Variants in STXBP6 observed in about 807,000 individuals in gnomAD.
STXBP6 encodes the protein syntaxin binding protein 6, also known as syntaxin-binding protein 6.
A neutral mutation model predicts 26.9 loss-of-function variants in STXBP6; 21 were observed. That is an observed-to-expected ratio of 0.78 (90% CI 0.55 to 1.12). The LOEUF (loss-of-function observed/expected upper bound fraction) is 1.12, where lower values mean the gene tolerates loss of function less well. STXBP6 is among the 50% of genes most tolerant of loss of function. STXBP6 has a pLI of 0.00. For missense variants in STXBP6, 232 were observed against 257.9 expected (o/e 0.90, Z 0.69); for synonymous variants, 97 against 92.6 (o/e 1.05, Z -0.27).
At chr14:24,942,346 A>C (rs2072833331) in intron 2 of STXBP6, among the ~76,000 whole-genome samples, 1 of 152,228 alleles carries the variant, frequency 6.6e-6, no homozygotes. Context: ...ATAACCAAAC[A>C]TACATTGTCA....
chr14:24,913,584 AC>A (rs777767175), intron 2 of STXBP6, among the ~76,000 whole-genome samples: 3 of 152,312 alleles, frequency 2.0e-5, no homozygotes, highest in Non-Finnish European at 4.4e-5. Flanking sequence ...CTCTTTTAGA[AC>A]CCCAGCTCAG....
At chr14:24,842,772 T>A (rs1163212017) in intron 4 of STXBP6, among the ~76,000 whole-genome samples, 1 of 152,196 alleles carries the variant, frequency 6.6e-6, no homozygotes, top group Admixed American at 6.5e-5. Flanking sequence ...AAATTTTAAT[T>A]TACTTTTTTT....
intron 1 of STXBP6, among the ~76,000 whole-genome samples, chr14:25,016,901 G>C (rs1408658831): frequency 1.3e-5 from 2 of 152,182 alleles, no homozygotes; most frequent in Non-Finnish European, 2.9e-5. Context: ...TATAAGGCTT[G>C]CATTGAAGAA....
chr14:24,983,808 TA>T (rs2074259216), intron 1 of STXBP6, among the ~76,000 whole-genome samples: 2 of 152,198 alleles, frequency 1.3e-5, no homozygotes, highest in Admixed American at 6.5e-5. Context: ...ACTTAAAATA[TA>T]ACAGTGAAAA....
At chr14:24,987,926 G>A (rs1156759408) in intron 1 of STXBP6, 1 of 978,908 alleles carries the variant, frequency 1.0e-6, no homozygotes, top group Non-Finnish European at 1.2e-6. Flanking sequence ...TGAGGATACT[G>A]AGGAGAAGAA....
chr14:24,913,344 A>G (rs2071643959), intron 2 of STXBP6, among the ~76,000 whole-genome samples: 1 of 152,212 alleles, frequency 6.6e-6, no homozygotes, highest in Non-Finnish European at 1.5e-5. Context: ...AGGATACTGA[A>G]TGTTCCTAAC....
intron 2 of STXBP6, among the ~76,000 whole-genome samples, chr14:24,893,199 G>C (rs1349057228): frequency 6.6e-6 from 1 of 152,200 alleles, no homozygotes; most frequent in Admixed American, 6.5e-5. Context: ...CTAGCCTTTC[G>C]TATGAACAAT....
chr14:24,866,450 T>C (rs2069726240), intron 2 of STXBP6, among the ~76,000 whole-genome samples: 1 of 152,176 alleles, frequency 6.6e-6, no homozygotes, highest in African/African-American at 2.4e-5. Context: ...TGTGTATATG[T>C]GTGTGTATGT....
intron 2 of STXBP6, among the ~76,000 whole-genome samples, chr14:24,951,390 C>CCAGCACATGTTGTT (rs1566504096): frequency 2.0e-5 from 3 of 151,698 alleles, no homozygotes; most frequent in African/African-American, 7.3e-5. Flanking sequence ...TCCACATCCT[C>CCAGCACATGTTGTT]TCCGGACTTT....
intron 1 of STXBP6, among the ~76,000 whole-genome samples, chr14:25,002,410 A>C (rs1358709353): frequency 7.6e-6 from 1 of 131,208 alleles, no homozygotes; most frequent in Non-Finnish European, 1.5e-5. Context: ...CCCAGGCTGG[A>C]GTGCAGTGGT....
intron 2 of STXBP6, among the ~76,000 whole-genome samples, chr14:24,965,847 A>G (rs1328557039): frequency 6.6e-6 from 1 of 152,160 alleles, no homozygotes; most frequent in African/African-American, 2.4e-5. Flanking sequence ...AAGGTGCACT[A>G]ATTTCTCAAA....
intron 4 of STXBP6, among the ~76,000 whole-genome samples, chr14:24,821,106 G>T (rs1462545941): frequency 1.3e-5 from 2 of 152,200 alleles, no homozygotes; most frequent in African/African-American, 4.8e-5. Context: ...GATGGGGAAG[G>T]GCGCAGAGGA....
At chr14:24,990,818 T>C (rs975994429) in intron 1 of STXBP6, among the ~76,000 whole-genome samples, 27 of 151,204 alleles carry the variant, frequency 1.8e-4, no homozygotes, top group African/African-American at 6.6e-4. Flanking sequence ...AGAAAACTGG[T>C]CTGTAGGTTG....
chr14:24,859,919 G>A (rs915066601), intron 2 of STXBP6, among the ~76,000 whole-genome samples: 1 of 152,178 alleles, frequency 6.6e-6, no homozygotes, highest in Non-Finnish European at 1.5e-5. Context: ...GAAGCATGGG[G>A]GCAACCCAAT....
chr14:24,852,128 C>T (rs2069178118), intron 4 of STXBP6, among the ~76,000 whole-genome samples: 1 of 152,072 alleles, frequency 6.6e-6, no homozygotes, highest in Admixed American at 6.6e-5. Context: ...AGATTAACTG[C>T]CTTCTTTATT....
At chr14:25,000,303 T>C (rs2074725131) in intron 1 of STXBP6, among the ~76,000 whole-genome samples, 2 of 151,954 alleles carry the variant, frequency 1.3e-5, no homozygotes, top group Admixed American at 6.6e-5. Context: ...GACCTCGTGA[T>C]ACGCCCGCCT....
intron 2 of STXBP6, among the ~76,000 whole-genome samples, chr14:24,946,163 G>GA (rs1423275245): frequency 6.6e-6 from 1 of 152,094 alleles, no homozygotes; most frequent in African/African-American, 2.4e-5. Context: ...AAACAAATAT[G>GA]AAAAAATGTG....
intron 1 of STXBP6, among the ~76,000 whole-genome samples, chr14:25,038,646 C>T (rs188801643): frequency 6.6e-6 from 1 of 152,036 alleles, no homozygotes; most frequent in Admixed American, 6.5e-5. Flanking sequence ...GAACAATAGA[C>T]ATTAGGCCAA....
At chr14:24,958,482 G>C (rs73593486) in intron 2 of STXBP6, among the ~76,000 whole-genome samples, 5,600 of 152,088 alleles carry the variant, frequency 0.037, 356 homozygotes, top group African/African-American at 0.13. Flanking sequence ...TGTGGCTCAA[G>C]ATAAAATTAG....
Sources: gnomAD v4.1 joint callset for allele counts (sites outside exome capture counted in the v4.1 genomes callset) on GRCh38, gnomAD v4.1.1 for gene constraint, MANE v1.5 for transcripts, NCBI Gene and HGNC (gene_info 2026-07-23, HGNC 2026-07-21) for gene names.